RP1: variants seen among roughly 807,000 people sequenced by gnomAD.
RP1 encodes RP1 axonemal microtubule associated, also known as oxygen-regulated protein 1.
In RP1, 16 loss-of-function variants were observed where a neutral mutation model predicts 14.8. The ratio of observed to expected loss-of-function variants is 1.08; its 90% CI spans 0.73 to 1.65. The LOEUF is 1.65. RP1 is among the 40% of genes most tolerant of loss of function. The pLI is 0.00. For synonymous variants in RP1, 876 were observed against 883.6 expected (o/e 0.99, Z 0.15); for missense variants, 2,631 against 2,535.0 (o/e 1.04, Z -0.81).
chr8:54,597,401 G>T (rs1273393406), intron 1 of RP1, among the ~76,000 whole-genome samples: 2 of 152,060 alleles, frequency 1.3e-5, no homozygotes, highest in African/African-American at 4.8e-5. Flanking sequence ...AGCATTTTTA[G>T]ATGAGTACAT....
rs1476578508 is a variant in RP1 at position 54,653,642 on chromosome 8, A to G, written c.1038+776A>G. On this transcript the variant is annotated intron_variant, in intron 5 of 22. Transcript: ENST00000636932. ...TTAGCAGAAATATATAGTTGTTAAT[A>G]CCATCTTCTTTATGTTAAAGTTACA... Among the ~76,000 whole-genome samples, 10 of 152,352 alleles carry G rather than the reference A, an allele frequency of 6.6e-5. No individual in the cohort carries two copies. The South Asian group carries it at 1.7e-3, about 25-fold the overall frequency.
rs1807130424 is a variant in RP1, at chr8:54,670,486, TGTAAGTATGTATATATATACAC to T, written c.1324-3363_1324-3342del. Among the ~76,000 whole-genome samples the T allele has an allele frequency of 2.2e-5, 3 of 139,464 alleles. No homozygotes were observed. The Admixed American group carries it at 2.3e-4, about 11-fold the overall frequency. 91.5% of individuals were successfully genotyped at this position (139,464 alleles called of 152,430 possible). The stretch of plus-strand genomic sequence containing the variant: ...ATACCTACATATATAGGTTTACATA[TGTAAGTATGTATATATATACAC>T]ATATATATGTATGTGTATATATATA... On this transcript the variant is annotated intron_variant, in intron 7 of 22. Coordinates refer to the RP1 transcript ENST00000636932.
rs529728984 is a variant in RP1, at chr8:54,602,756, G to A, written c.-12-18199G>A. Among the ~76,000 whole-genome samples the A allele has an allele frequency of 2.0e-3, 307 of 152,294 alleles. 1 individual carries two copies. The Middle Eastern group carries it at 0.02, about 10-fold the overall frequency. The stretch of plus-strand genomic sequence containing the variant: ...AACTGGTGTGAGATGGTATCTCATT[G>A]TGCTTTTGATTTGCATTTCTCTGAT... On this transcript the variant is annotated intron_variant, in intron 1 of 22. Transcript: ENST00000636932.
At chr8:54,770,183 A>G (rs1809867339), downstream of RP1, 6 of 401,472 alleles carry the variant, frequency 1.5e-5, no homozygotes, top group Admixed American at 1.7e-4. Flanking sequence ...TGTTGTTGCC[A>G]CTTTTCATCT....
chr8:54,760,817 C>A (rs1212606330), intron 22 of RP1, among the ~76,000 whole-genome samples: 2 of 152,200 alleles, frequency 1.3e-5, no homozygotes, highest in African/African-American at 4.8e-5. Context: ...TGTCCATCCT[C>A]AAGTTCCAAT....
chr8:54,849,650 TG>T (rs1229158221), intron 25 of RP1, among the ~76,000 whole-genome samples: 1 of 152,198 alleles, frequency 6.6e-6, no homozygotes, highest in Non-Finnish European at 1.5e-5. Flanking sequence ...CCTACAAAGA[TG>T]TTTGAAAATA....
At chr8:54,806,768 T>C (rs1411343112) in intron 24 of RP1, among the ~76,000 whole-genome samples, 1 of 151,702 alleles carries the variant, frequency 6.6e-6, no homozygotes, top group Non-Finnish European at 1.5e-5. Context: ...CAAAAAAAAT[T>C]CTTTGTTTTT....
Position 54,629,650 on chromosome 8 carries a change from T to C in RP1, c.5768T>C (p.Val1923Ala), listed in dbSNP as rs746815662. 6.2e-7 allele frequency: 1 copy of C among 1,613,986 alleles called. No homozygotes were observed. Among genetic ancestry groups the C allele is most frequent in the Non-Finnish European group, 8.5e-7 (1 of 1,179,984 alleles). Residue 1923 changes from valine (V) to alanine (A), a missense_variant, in exon 4 of 4, where the codon GTT becomes GCT. By Grantham distance (64) the Val-to-Ala change is moderately conservative (BLOSUM62 0). Coordinates refer to ENST00000220676, the MANE Select transcript of RP1 (RefSeq NM_006269.2). ...GGTCAACATTGCCCAATACTAACTG[T>C]TATTATCCAACCCATGAATGAGGAA... ...LCGQHCPILTVIIQPMNEEDR... is the reference protein window; with the variant it reads ...LCGQHCPILTAIIQPMNEEDR...
intron 15 of RP1, among the ~76,000 whole-genome samples, chr8:54,719,674 T>C (rs1808488427): frequency 6.6e-6 from 1 of 152,232 alleles, no homozygotes; most frequent in Non-Finnish European, 1.5e-5. Flanking sequence ...GCATGCTGTT[T>C]ATGAAAATTC....
intron 1 of RP1, among the ~76,000 whole-genome samples, chr8:54,562,176 A>G (rs1362878628): frequency 6.6e-6 from 1 of 152,218 alleles, no homozygotes; most frequent in Non-Finnish European, 1.5e-5. Flanking sequence ...AAAAACTCCG[A>G]ATTTAAAATT....
intron 12 of RP1, among the ~76,000 whole-genome samples, chr8:54,687,358 C>T (rs771728196): frequency 1.1e-4 from 16 of 152,128 alleles, no homozygotes; most frequent in Admixed American, 4.6e-4. Flanking sequence ...ATGTGCAGAA[C>T]GTGCAGGTTT....
rs746823852 is a variant in RP1 at position 54,629,853 on chromosome 8, C to G, written c.5971C>G (p.Gln1991Glu). ...TAATGCCATTGGTGATATATTTGAT[C>G]AGTTTTATTTCAGTAACACATTTGA... Reference protein sequence around the residue: ...IDNAIGDIFDQFYFSNTFDLM... With the variant: ...IDNAIGDIFDEFYFSNTFDLM... Residue 1991 changes from glutamine to glutamate, a missense_variant, in exon 4 of 4, where the codon CAG (glutamine) becomes GAG (glutamate). Physicochemically the swap from Gln to Glu is conservative, Grantham distance 29 (BLOSUM62 2). Transcript: ENST00000220676. The G allele has an allele frequency of 6.2e-7, 1 of 1,613,496 alleles. No homozygotes were observed. Among genetic ancestry groups the G allele is most frequent in the African/African-American group, 1.3e-5 (1 of 74,892 alleles).
At chr8:54,867,332 A>G (rs1443852654) in intron 28 of RP1, among the ~76,000 whole-genome samples, 1 of 152,184 alleles carries the variant, frequency 6.6e-6, no homozygotes, top group Non-Finnish European at 1.5e-5. Flanking sequence ...CTTCCATTTA[A>G]AGTGCATGTA....
chr8:54,743,117 G>C (rs1809139500), intron 19 of RP1, among the ~76,000 whole-genome samples: 1 of 152,138 alleles, frequency 6.6e-6, no homozygotes, highest in African/African-American at 2.4e-5. Context: ...TTATTGTGAA[G>C]TGATTTCAAA....
At chr8:54,706,567 A>G (rs1396544307) in exon 15 of RP1, 3 of 1,536,114 alleles carry the variant, frequency 2.0e-6, no homozygotes, top group Middle Eastern at 1.7e-4. Flanking sequence ...TGGAAAGTGC[A>G]TAAAATCAGC....
At chr8:54,599,126 A>AT (rs887790718) in intron 1 of RP1, among the ~76,000 whole-genome samples, 10 of 150,920 alleles carry the variant, frequency 6.6e-5, no homozygotes, top group South Asian at 6.3e-4. Flanking sequence ...GTTCTGTTCA[A>AT]TTTTTTTTTC....
At chr8:54,695,878 G>C (rs74893517) in intron 12 of RP1, among the ~76,000 whole-genome samples, 3 of 152,060 alleles carry the variant, frequency 2.0e-5, no homozygotes, top group African/African-American at 7.2e-5. Flanking sequence ...GAGATCCTAA[G>C]TCTTAAACAT....
intron 27 of RP1, among the ~76,000 whole-genome samples, chr8:54,865,423 A>T (rs1309833043): frequency 1.3e-5 from 2 of 151,370 alleles, no homozygotes; most frequent in Non-Finnish European, 2.9e-5. Context: ...TTGTATTGAC[A>T]AGTACAGTAA....
At chr8:54,678,588 G>A (rs1807351973) in intron 9 of RP1, 6 of 1,438,904 alleles carry the variant, frequency 4.2e-6, no homozygotes, top group Non-Finnish European at 4.7e-6. Context: ...TTAGTTCCAA[G>A]TTTGTGCATT....
Sources: gnomAD v4.1 joint callset for allele counts (sites outside exome capture counted in the v4.1 genomes callset) on GRCh38, gnomAD v4.1.1 for gene constraint, MANE v1.5 for transcripts, NCBI Gene and HGNC (gene_info 2026-07-23, HGNC 2026-07-21) for gene names.